The following CCSER1 variants were observed in gnomAD, a reference collection of about 807,000 sequenced individuals.
CCSER1 encodes coiled-coil serine rich protein 1.
In CCSER1, 41 loss-of-function variants were observed where a neutral mutation model predicts 82.0. The ratio of observed to expected loss-of-function variants is 0.50; its 90% CI spans 0.39 to 0.65. The LOEUF (loss-of-function observed/expected upper bound fraction) is 0.65, where lower values mean the gene tolerates loss of function less well. Ranked by LOEUF, CCSER1 falls within the 30% of genes least tolerant of loss-of-function variation. CCSER1 has a pLI of 0.00. For missense variants in CCSER1, 1,119 were observed against 1,064.2 expected (o/e 1.05, Z -0.72); for synonymous variants, 414 against 383.9 (o/e 1.08, Z -0.92).
chr4:90,268,515 A>G (rs1176484470), intron 1 of CCSER1, among the ~76,000 whole-genome samples: 2 of 152,110 alleles, frequency 1.3e-5, no homozygotes, highest in African/African-American at 2.4e-5. Flanking sequence ...TGCAAGCCTC[A>G]TGGTAATCTC....
chr4:91,165,413 CCTT>C (rs1033099177), intron 10 of CCSER1, among the ~76,000 whole-genome samples: 3 of 152,216 alleles, frequency 2.0e-5, no homozygotes, highest in African/African-American at 7.2e-5. Flanking sequence ...GTCAGTCTGT[CCTT>C]CTTAGAGCTC....
In CCSER1 at chr4:91,601,397, A is replaced by G. The variant is rs901486428; in HGVS notation, c.*2340A>G. 6.6e-6 allele frequency: 1 copy of G among 152,068 alleles called. No individual in the cohort carries two copies. The highest frequency in any genetic ancestry group is 2.4e-5 in the African/African-American group (1 of 41,444). 9.4% of individuals were successfully genotyped at this position (152,068 alleles called of 1,614,324 possible). A position where few individuals can be genotyped will look rare whatever the true frequency, so the allele number is the denominator to read the frequency against. ...GCTGTTTTGTATCAGTATTTTCAAC[A>G]TTGTTATAATATTATTTGTAATACT... On this transcript the variant is annotated 3_prime_UTR_variant, in exon 11 of 11. Transcript: ENST00000509176.
intron 7 of CCSER1, among the ~76,000 whole-genome samples, chr4:90,745,556 A>G (rs75270144): frequency 0.06 from 9,090 of 151,920 alleles, 306 homozygotes; most frequent in East Asian, 0.15. Flanking sequence ...GTCCATAAAT[A>G]TTGAGCTGCT....
intron 7 of CCSER1, among the ~76,000 whole-genome samples, chr4:90,791,749 G>T (rs1257190170): frequency 6.6e-6 from 1 of 151,400 alleles, no homozygotes; most frequent in East Asian, 1.9e-4. Context: ...TTGAACCTGG[G>T]AGTTGGAGCT....
At chr4:91,161,545 T>G (rs2148977787) in intron 10 of CCSER1, among the ~76,000 whole-genome samples, 1 of 152,334 alleles carries the variant, frequency 6.6e-6, no homozygotes, top group Middle Eastern at 3.4e-3. Flanking sequence ...GCATGGAATA[T>G]TCTTCCATTT....
intron 10 of CCSER1, among the ~76,000 whole-genome samples, chr4:91,288,105 AG>A (rs1295587158): frequency 4.1e-5 from 6 of 145,708 alleles, no homozygotes; most frequent in Non-Finnish European, 6.0e-5. Context: ...ATATATATAT[AG>A]GATATATATA....
chr4:91,099,598 G>C (rs562956678), intron 10 of CCSER1, among the ~76,000 whole-genome samples: 37 of 152,206 alleles, frequency 2.4e-4, no homozygotes, highest in African/African-American at 8.4e-4. Flanking sequence ...AGAGGCATGA[G>C]ACATCAATCA....
intron 10 of CCSER1, among the ~76,000 whole-genome samples, chr4:91,466,492 A>C (rs996339451): frequency 6.6e-6 from 1 of 152,182 alleles, no homozygotes; most frequent in Admixed American, 6.5e-5. Context: ...TAGGGTTGGA[A>C]GTTCTGGCCA....
chr4:90,546,685 A>G (rs1776800610), intron 5 of CCSER1, among the ~76,000 whole-genome samples: 1 of 152,102 alleles, frequency 6.6e-6, no homozygotes, highest in Non-Finnish European at 1.5e-5. Context: ...TATAAAAGAT[A>G]CTGATTTTCT....
intron 5 of CCSER1, among the ~76,000 whole-genome samples, chr4:90,513,772 C>T (rs1185289566): frequency 6.6e-6 from 1 of 151,942 alleles, no homozygotes; most frequent in African/African-American, 2.4e-5. Flanking sequence ...TTGAATAAAT[C>T]AGGAAACAAA....
chr4:90,920,795 C>T (rs1443600856), intron 8 of CCSER1, among the ~76,000 whole-genome samples: 1 of 151,554 alleles, frequency 6.6e-6, no homozygotes, highest in Non-Finnish European at 1.5e-5. Context: ...CTTAGTGTCC[C>T]CTCCCCTCTA....
intron 10 of CCSER1, among the ~76,000 whole-genome samples, chr4:91,456,184 G>T (rs576944455): frequency 1.3e-5 from 2 of 152,110 alleles, no homozygotes; most frequent in African/African-American, 4.8e-5. Flanking sequence ...ACCTCATCTT[G>T]TGTCCTTGCA....
intron 10 of CCSER1, among the ~76,000 whole-genome samples, chr4:91,556,577 G>T (rs1016971249): frequency 1.3e-5 from 2 of 150,788 alleles, no homozygotes; most frequent in Admixed American, 1.3e-4. Flanking sequence ...AAAAATGAGT[G>T]TTCAAAACTA....
chr4:91,169,920 C>T (rs372520359), intron 10 of CCSER1, among the ~76,000 whole-genome samples: 1 of 152,104 alleles, frequency 6.6e-6, no homozygotes, highest in Admixed American at 6.5e-5. Context: ...CATATCTAGG[C>T]CTACTTTCAA....
intron 10 of CCSER1, among the ~76,000 whole-genome samples, chr4:91,518,068 G>C (rs2110132689): frequency 6.6e-6 from 1 of 152,264 alleles, no homozygotes; most frequent in African/African-American, 2.4e-5. Flanking sequence ...TGAAATTGTG[G>C]ACTCCTCTTT....
chr4:91,097,395 G>A (rs1724614252), intron 10 of CCSER1, among the ~76,000 whole-genome samples: 2 of 152,158 alleles, frequency 1.3e-5, no homozygotes, highest in Admixed American at 6.5e-5. Context: ...GTACAAATGT[G>A]TAGTGATCAA....
chr4:90,463,241 G>A (rs1240133187), intron 4 of CCSER1, among the ~76,000 whole-genome samples: 1 of 152,126 alleles, frequency 6.6e-6, no homozygotes, highest in Non-Finnish European at 1.5e-5. Flanking sequence ...CAGATGTAGG[G>A]ATATTATTGA....
chr4:91,519,773 C>T lies in CCSER1; in HGVS notation c.2218-78799C>T, dbSNP rs149831599. On this transcript the variant is annotated intron_variant, in intron 10 of 10. Transcript: ENST00000509176. ...GGTGTGTGGTTGTCCTGTCTTGCTC[C>T]TCCCTGTCTTCCATGGGTTGAGTTG... is the stretch of plus-strand genomic sequence containing the variant. Among the ~76,000 whole-genome samples the T allele has an allele frequency of 4.8e-3, 727 of 152,322 alleles. 11 individuals carry two copies. Among genetic ancestry groups the T allele is most frequent in the East Asian group, 0.034 (176 of 5,154 alleles).
At chr4:91,545,715 A>C (rs1761856261) in intron 10 of CCSER1, among the ~76,000 whole-genome samples, 1 of 152,086 alleles carries the variant, frequency 6.6e-6, no homozygotes, top group Non-Finnish European at 1.5e-5. Flanking sequence ...CTCCGTAGAT[A>C]ATCATGTTAT....
Sources: gnomAD v4.1 joint callset for allele counts (sites outside exome capture counted in the v4.1 genomes callset) on GRCh38, gnomAD v4.1.1 for gene constraint, MANE v1.5 for transcripts, NCBI Gene and HGNC (gene_info 2026-07-23, HGNC 2026-07-21) for gene names.